TAFA4: variants seen among roughly 807,000 people sequenced by gnomAD.
The protein encoded by TAFA4 is chemokine-like protein TAFA-4.
Under a neutral mutation model 21.1 loss-of-function variants are expected in TAFA4, and 20 were observed. The ratio of observed to expected loss-of-function variants is 0.95; its 90% CI spans 0.67 to 1.38. The LOEUF is 1.38. TAFA4 is among the 40% of genes most tolerant of loss of function. The pLI is 0.00. For missense variants in TAFA4, 211 were observed against 180.9 expected, an observed-to-expected ratio of 1.17 and a Z score of -0.95; for synonymous variants, 71 against 67.4, an observed-to-expected ratio of 1.05 and a Z score of -0.26.
At chr3:68,743,617 C>G (rs1702399400) in intron 4 of TAFA4, among the ~76,000 whole-genome samples, 3 of 151,858 alleles carry the variant, frequency 2.0e-5, no homozygotes, top group South Asian at 4.2e-4. Flanking sequence ...TTCTTTGCAG[C>G]CTCAAATATC....
chr3:68,810,909 G>A (rs537492556), intron 3 of TAFA4, among the ~76,000 whole-genome samples: 1 of 152,172 alleles, frequency 6.6e-6, no homozygotes, highest in Non-Finnish European at 1.5e-5. Context: ...TAGCCTAACT[G>A]GGAGGCAACC....
intron 3 of TAFA4, among the ~76,000 whole-genome samples, chr3:68,832,351 C>A (rs141490206): frequency 6.6e-6 from 1 of 152,164 alleles, no homozygotes; most frequent in Non-Finnish European, 1.5e-5. Context: ...TGGTGACCTA[C>A]AGATGGGGTT....
At chr3:68,759,050 C>T (rs1424027679) in intron 3 of TAFA4, among the ~76,000 whole-genome samples, 2 of 152,166 alleles carry the variant, frequency 1.3e-5, no homozygotes, top group Non-Finnish European at 2.9e-5. Context: ...GTGTCATTCC[C>T]ATCTGAAGGT....
intron 3 of TAFA4, among the ~76,000 whole-genome samples, chr3:68,866,086 T>G (rs2089412564): frequency 6.6e-6 from 1 of 151,938 alleles, no homozygotes; most frequent in African/African-American, 2.4e-5. Context: ...AGGGAGAAAA[T>G]CCCCTGAGGG....
intron 4 of TAFA4, among the ~76,000 whole-genome samples, chr3:68,740,609 T>C (rs1434700232): frequency 6.6e-6 from 1 of 152,210 alleles, no homozygotes; most frequent in African/African-American, 2.4e-5. Context: ...ATCAGATATA[T>C]GGCTTGCAAA....
intron 3 of TAFA4, among the ~76,000 whole-genome samples, chr3:68,846,115 G>A (rs1423456318): frequency 6.6e-6 from 1 of 152,030 alleles, no homozygotes; most frequent in African/African-American, 2.4e-5. Flanking sequence ...GTGTTTTCCA[G>A]CTTGGTTCCA....
At chr3:68,852,857 G>A (rs1034931931) in intron 3 of TAFA4, among the ~76,000 whole-genome samples, 17 of 152,078 alleles carry the variant, frequency 1.1e-4, no homozygotes, top group African/African-American at 3.1e-4. Context: ...GGGATCCTGT[G>A]AGCACTGGAA....
intron 3 of TAFA4, among the ~76,000 whole-genome samples, chr3:68,781,982 A>C (rs1703162285): frequency 6.6e-6 from 1 of 152,208 alleles, no homozygotes; most frequent in Non-Finnish European, 1.5e-5. Flanking sequence ...ACAAGCAAAG[A>C]AACAAACCAA....
In TAFA4 at chr3:68,733,100, C is replaced by T; in HGVS notation, c.*42G>A. Reference sequence around the variant, plus strand: ...GGGAATCCAAGCAAAAGAGCTCCGCCTCCTGCTGCCCCTCCAGGATTGAAG... The same window carrying T: ...GGGAATCCAAGCAAAAGAGCTCCGCTTCCTGCTGCCCCTCCAGGATTGAAG... On this transcript the variant is annotated 3_prime_UTR_variant, in exon 6 of 6. Transcript: ENST00000295569. The T allele has an allele frequency of 6.2e-7, 1 of 1,612,102 alleles. No individual in the cohort carries two copies.
At chr3:68,765,058 A>T (rs917071384) in intron 3 of TAFA4, among the ~76,000 whole-genome samples, 4 of 150,620 alleles carry the variant, frequency 2.7e-5, no homozygotes, top group African/African-American at 7.3e-5. Context: ...AAGAACTGTT[A>T]AAAAAAACTA....
At chr3:68,807,228 A>G (rs117637519) in intron 3 of TAFA4, among the ~76,000 whole-genome samples, 11 of 152,318 alleles carry the variant, frequency 7.2e-5, no homozygotes, top group African/African-American at 2.4e-4. Context: ...TGTTGGGTTT[A>G]TCCTCTTCCA....
intron 3 of TAFA4, among the ~76,000 whole-genome samples, chr3:68,780,617 C>T (rs1321752787): frequency 6.6e-6 from 1 of 152,232 alleles, no homozygotes; most frequent in Non-Finnish European, 1.5e-5. Context: ...TCATCCTTGC[C>T]TTCCACCATG....
At chr3:68,752,783 C>T in intron 4 of TAFA4, 80 bp downstream of exon 4, 1 of 1,586,012 alleles carries the variant, frequency 6.3e-7, no homozygotes. Context: ...CTTTGGGTTG[C>T]AAAGACAGTA....
intron 3 of TAFA4, among the ~76,000 whole-genome samples, chr3:68,783,721 G>GAA (rs1451286527): frequency 1.6e-4 from 21 of 134,114 alleles, no homozygotes; most frequent in South Asian, 7.3e-4. Context: ...GAAAAAGAAA[G>GAA]AAAGAAAGAA....
chr3:68,753,164 T>C, intron 3 of TAFA4, 146 bp from the exon 4 acceptor site: 2 of 774,616 alleles, frequency 2.6e-6, no homozygotes, highest in Non-Finnish European at 4.0e-6. Context: ...GATAACATAT[T>C]ATTTCAAATT....
chr3:68,790,902 A>G (rs1280453841), intron 3 of TAFA4, among the ~76,000 whole-genome samples: 1 of 152,230 alleles, frequency 6.6e-6, no homozygotes, highest in East Asian at 1.9e-4. Flanking sequence ...CAAAGTATTT[A>G]TGGCAACCCC....
At chr3:68,895,064 C>A (rs928964966) in intron 1 of TAFA4, among the ~76,000 whole-genome samples, 1 of 152,028 alleles carries the variant, frequency 6.6e-6, no homozygotes, top group African/African-American at 2.4e-5. Context: ...ATCGCCCAGG[C>A]TCGGCTTACT....
chr3:68,904,490 G>A (rs562977725), intron 1 of TAFA4, among the ~76,000 whole-genome samples: 1 of 152,312 alleles, frequency 6.6e-6, no homozygotes, highest in South Asian at 2.1e-4. Flanking sequence ...ATAGTAAAGA[G>A]GTTCATAAAA....
intron 1 of TAFA4, among the ~76,000 whole-genome samples, chr3:68,890,500 T>C (rs996788626): frequency 2.0e-5 from 3 of 152,226 alleles, no homozygotes. Context: ...AGAAGGTTTA[T>C]TTGTTTTTAT....
Sources: gnomAD v4.1 joint callset for allele counts (sites outside exome capture counted in the v4.1 genomes callset) on GRCh38, gnomAD v4.1.1 for gene constraint, MANE v1.5 for transcripts, NCBI Gene and HGNC (gene_info 2026-07-23, HGNC 2026-07-21) for gene names.